The following PARP1 variants were observed in gnomAD, a reference collection of about 807,000 sequenced individuals.
PARP1 encodes the protein poly(ADP-ribose) polymerase 1.
A neutral mutation model predicts 118.7 loss-of-function variants in PARP1; 44 were observed. The observed-to-expected ratio is 0.37, with a 90% CI of 0.29 to 0.48. The LOEUF (loss-of-function observed/expected upper bound fraction) is 0.48, where lower values mean the gene tolerates loss of function less well. PARP1 is among the 20% of genes least tolerant of loss of function. PARP1 has a pLI of 0.99. For missense variants in PARP1, 1,100 were observed against 1,272.4 expected, an observed-to-expected ratio of 0.86 and a Z score of 2.06; for synonymous variants, 492 against 483.2, an observed-to-expected ratio of 1.02 and a Z score of -0.24.
intron 21 of PARP1, among the ~76,000 whole-genome samples, chr1:226,362,530 C>T (rs1664165189): frequency 6.6e-6 from 1 of 152,214 alleles, no homozygotes; most frequent in African/African-American, 2.4e-5. Flanking sequence ...TCAACCTTCA[C>T]TGAGTTTAAT....
At chr1:226,390,356 C>A (rs1213464247) in intron 4 of PARP1, 54 bp downstream of exon 4, 15 of 1,509,848 alleles carry the variant, frequency 9.9e-6, no homozygotes, top group African/African-American at 1.4e-5. Context: ...GCCTTTGGGC[C>A]TCCCTTGAAC....
In PARP1 at chr1:226,388,679, T is replaced by C. The variant is rs1284782212; in HGVS notation, c.694A>G (p.Ser232Gly). 1 of 1,613,352 alleles carries C rather than the reference T, an allele frequency of 6.2e-7. No homozygotes were observed. Among genetic ancestry groups the C allele is most frequent in the Non-Finnish European group, 8.5e-7 (1 of 1,179,354 alleles). Residue 232 changes from serine (S) to glycine (G), a missense_variant, in exon 5 of 23, where the codon AGT becomes GGT. Physicochemically the swap from Ser to Gly is moderately conservative, Grantham distance 56. Transcript: ENST00000366794. ...KKSKKEKDKDSKLEKALKAQN... is the reference protein window; with the variant it reads ...KKSKKEKDKDGKLEKALKAQN... ...ACCTTTAGGGCTTTTTCAAGCTTACTATCCTTGTCTTTTTCTTTTTTAGAT... is the reference window on the plus strand; with the variant it reads ...ACCTTTAGGGCTTTTTCAAGCTTACCATCCTTGTCTTTTTCTTTTTTAGAT...
rs115213846 is a variant in PARP1 at position 226,370,932 on chromosome 1, G to C, written c.2071-415C>G. The C allele has an allele frequency of 4.2e-3, 1,059 of 251,430 alleles. 7 individuals carry two copies. Among genetic ancestry groups the C allele is most frequent in the African/African-American group, 0.022 (1,016 of 45,868 alleles). The allele number at this position is 251,430 out of a possible 1,614,324, so 15.6% of individuals were successfully genotyped here. ...GGCAGTTAGTTAAGTGCACCCCTGG[G>C]TTCCCACCTGGAAAAGAACCAAGAG... On this transcript the variant is annotated intron_variant, in intron 14 of 22. Transcript: ENST00000366794.
intron 10 of PARP1, 92 bp downstream of exon 10, chr1:226,379,830 C>A: frequency 6.3e-7 from 1 of 1,592,972 alleles, no homozygotes; most frequent in Middle Eastern, 2.3e-4. Context: ...CAGGCCATGT[C>A]AGGGACACAA....
At chr1:226,392,933 G>A in intron 2 of PARP1, 1 of 1,569,888 alleles carries the variant, frequency 6.4e-7, no homozygotes, top group Non-Finnish European at 8.6e-7. Flanking sequence ...TTAGGAATAA[G>A]ACGAAGCTAT....
At chr1:226,398,125 A>AACT (rs1664962206) in intron 2 of PARP1, among the ~76,000 whole-genome samples, 1 of 150,876 alleles carries the variant, frequency 6.6e-6, no homozygotes, top group South Asian at 2.1e-4. Context: ...TTTTACAAAC[A>AACT]CCAAAAGCCC....
At chr1:226,385,976 A>G (rs949742465) in intron 6 of PARP1, among the ~76,000 whole-genome samples, 2 of 152,072 alleles carry the variant, frequency 1.3e-5, no homozygotes, top group Non-Finnish European at 2.9e-5. Context: ...TGCCAAGCCA[A>G]CTCCCAAGAA....
At position 226,407,878 on chromosome 1, in the gene PARP1, G is replaced by C. The variant is rs1432106341; in HGVS notation, c.52C>G (p.Arg18Gly). The change falls in exon 1 of 23, where the codon CGC becomes GGC. Residue 18 changes from arginine to glycine, a missense_variant. By Grantham distance (125) the Arg-to-Gly change is moderately radical. Around this residue, in one of 2 missense-constraint regions of PARP1, gnomAD observed 948 missense variants for 1,031.8 expected, o/e 0.92. Coordinates refer to ENST00000366794, the MANE Select transcript of PARP1 (RefSeq NM_001618.4). ...TCGCTGCATTTCTTGCAAGAGGCGC[G>C]CCCGCTCTTGGCGTACTCGACTCGA... ...LYRVEYAKSG[R>G]ASCKKCSESI... 1 of 1,611,108 alleles carries C rather than the reference G, an allele frequency of 6.2e-7. No individual in the cohort carries two copies. The highest frequency in any genetic ancestry group is 8.5e-7 in the Non-Finnish European group (1 of 1,178,692).
intron 1 of PARP1, among the ~76,000 whole-genome samples, chr1:226,404,359 G>A (rs1665096524): frequency 6.6e-6 from 1 of 152,222 alleles, no homozygotes; most frequent in South Asian, 2.1e-4. Flanking sequence ...CTAAGCATCT[G>A]GCTATCATGG....
chr1:226,390,680 T>C, intron 3 of PARP1, 56 bp from the exon 4 acceptor site: 1 of 1,506,912 alleles, frequency 6.6e-7, no homozygotes, highest in South Asian at 1.1e-5. Context: ...ATAGTGAACA[T>C]GATACGGGCA....
rs1287198086 is a variant in PARP1, at chr1:226,380,027, G to A, written c.1438C>T (p.Pro480Ser). The A allele has an allele frequency of 6.2e-7, 1 of 1,614,170 alleles. No homozygotes were observed. The highest frequency in any genetic ancestry group is 8.5e-7 in the Non-Finnish European group (1 of 1,180,036). The change falls in exon 10 of 23, where the codon CCT (proline) becomes TCT (serine). Residue 480 changes from proline to serine, a missense_variant. Physicochemically the swap from Pro to Ser is moderately conservative, Grantham distance 74. Coordinates refer to ENST00000366794, the MANE Select transcript of PARP1 (RefSeq NM_001618.4). Reference sequence around the variant, plus strand: ...TCTGCCTTCACCTCTGCCCCCCAAGGGGACAAGATGTGCGCTAAGAACAAC... The same window carrying A: ...TCTGCCTTCACCTCTGCCCCCCAAGAGGACAAGATGTGCGCTAAGAACAAC... Reference protein sequence around the residue: ...QELFLAHILSPWGAEVKAEPV... With the variant: ...QELFLAHILSSWGAEVKAEPV...
rs1664225160 is a variant in PARP1 at position 226,364,865 on chromosome 1, G to A, written c.2658+137C>T. 3.1e-6 allele frequency: 3 copies of A among 966,156 alleles called. No individual in the cohort carries two copies. In the South Asian group the frequency reaches 4.2e-5, roughly 13 times the overall value. 59.8% of individuals were successfully genotyped at this position (966,156 alleles called of 1,614,324 possible). ...ACCCCTGACAGGGTTAGGGTCAGGA[G>A]GATAAAAGGGTGAAGGCCCAAAGAA... On this transcript the variant is annotated intron_variant, in intron 19 of 22. Coordinates refer to ENST00000366794, the MANE Select transcript of PARP1 (RefSeq NM_001618.4).
chr1:226,373,310 A>C (rs1394808848), intron 14 of PARP1, among the ~76,000 whole-genome samples: 2 of 152,208 alleles, frequency 1.3e-5, no homozygotes, highest in Non-Finnish European at 2.9e-5. Flanking sequence ...GGTTCCTAGG[A>C]GCCTAGAACA....
intron 5 of PARP1, among the ~76,000 whole-genome samples, chr1:226,387,857 T>C (rs987284607): frequency 3.3e-5 from 5 of 152,226 alleles, no homozygotes; most frequent in African/African-American, 1.2e-4. Flanking sequence ...GCAGCCAGTT[T>C]TGGTGCATGA....
rs112410306 is a variant in PARP1 at position 226,368,194 on chromosome 1, G to A, written c.2277+5C>T. The A allele has an allele frequency of 3.7e-5, 59 of 1,614,176 alleles. No individual in the cohort carries two copies. The highest frequency in any genetic ancestry group is 1.5e-4 in the African/African-American group (11 of 75,056). On this transcript the variant is annotated splice_donor_5th_base_variant and intron_variant, in intron 16 of 22. Transcript: ENST00000366794. ...CCTGCAGTCCCTTCTGAACCCTTGC[G>A]CTACCTGCACACTGTCTGCATTGTT... is the stretch of plus-strand genomic sequence containing the variant.
At chr1:226,387,553 A>C (rs529477561) in intron 5 of PARP1, among the ~76,000 whole-genome samples, 27 of 152,312 alleles carry the variant, frequency 1.8e-4, no homozygotes, top group African/African-American at 6.3e-4. Flanking sequence ...TTCATTTTTA[A>C]GGGGTCTCTC....
In PARP1 at chr1:226,392,264, A is replaced by C; in HGVS notation, c.337T>G (p.Phe113Val). Residue 113 changes from phenylalanine to valine, a missense_variant, in exon 3 of 23, where the codon TTT becomes GTT. By Grantham distance (50) the Phe-to-Val change is conservative. This residue lies in a region of PARP1 where 948 missense variants were observed against 1,031.8 expected (regional missense o/e 0.92). Coordinates refer to ENST00000366794, the MANE Select transcript of PARP1 (RefSeq NM_001618.4). ...GSKAEKTLGD[F>V]AAEYAKSNRS... ...TTGGACTTGGCATACTCTGCTGCAA[A>C]GTCACCCAGAGTCTTCTCTGCCTTG... 1 of 1,614,106 alleles carries C rather than the reference A, an allele frequency of 6.2e-7. No individual in the cohort carries two copies. Among genetic ancestry groups the C allele is most frequent in the Non-Finnish European group, 8.5e-7 (1 of 1,180,002 alleles).
Position 226,380,132 on chromosome 1 carries a change from C to G in PARP1, c.1333G>C (p.Glu445Gln). The G allele has an allele frequency of 6.2e-7, 1 of 1,614,148 alleles. No individual in the cohort carries two copies. The highest frequency in any genetic ancestry group is 8.5e-7 in the Non-Finnish European group (1 of 1,180,004). Residue 445 changes from glutamate to glutamine, a missense_variant, in exon 10 of 23, where the codon GAA (glutamate) becomes CAA (glutamine). Physicochemically the swap from Glu to Gln is conservative, Grantham distance 29. Transcript: ENST00000366794. ...ACTCGGATGTTGGCTTCCTTTACTT[C>G]CTCCATCTTCTTATTCATCTTTTCC... ...EVEKMNKKME[E>Q]VKEANIRVVS...
At chr1:226,382,072 C>A (rs1162901274) in intron 8 of PARP1, among the ~76,000 whole-genome samples, 1 of 152,110 alleles carries the variant, frequency 6.6e-6, no homozygotes, top group Non-Finnish European at 1.5e-5. Flanking sequence ...CTCGGGATGA[C>A]CACCAGCACA....
Sources: allele counts gnomAD v4.1 joint callset (sites outside exome capture counted in the v4.1 genomes callset), GRCh38; gene constraint gnomAD v4.1.1; regional missense constraint gnomAD v4.1.1; transcripts MANE v1.5; gene names NCBI Gene and HGNC (gene_info 2026-07-23, HGNC 2026-07-21).